IQGAP2: variants seen among roughly 807,000 people sequenced by gnomAD.
IQGAP2 encodes the protein ras GTPase-activating-like protein IQGAP2.
Under a neutral mutation model 201.3 loss-of-function variants are expected in IQGAP2, and 173 were observed. That is an observed-to-expected ratio of 0.86 (90% confidence interval 0.76 to 0.98). IQGAP2 has a LOEUF of 0.98. IQGAP2 is among the 50% of genes least tolerant of loss of function. The pLI is 0.00. For missense variants in IQGAP2, 1,687 were observed against 1,864.8 expected (o/e 0.90, Z 1.76); for synonymous variants, 675 against 673.9 (o/e 1.00, Z -0.03).
intron 2 of IQGAP2, among the ~76,000 whole-genome samples, chr5:76,506,545 C>T (rs1240600405): frequency 2.0e-5 from 3 of 152,196 alleles, no homozygotes; most frequent in Non-Finnish European, 2.9e-5. Context: ...TAACAGTGAT[C>T]TCCAGAATCA....
intron 2 of IQGAP2, among the ~76,000 whole-genome samples, chr5:76,560,231 C>T (rs1329687912): frequency 2.0e-5 from 3 of 152,030 alleles, no homozygotes; most frequent in African/African-American, 7.2e-5. Context: ...CAGCTTACTG[C>T]AGCCTCAAAC....
chr5:76,481,736 G>A (rs1755804276), intron 2 of IQGAP2, among the ~76,000 whole-genome samples: 2 of 152,158 alleles, frequency 1.3e-5, no homozygotes, highest in Admixed American at 1.3e-4. Context: ...TTTATACTAA[G>A]TCTTTACTAA....
In IQGAP2 at chr5:76,543,257, A is replaced by G. The variant is rs181309061; in HGVS notation, c.147-19139A>G. ...AAACTCAAGAACGCCAGAGTGGAAT[A>G]GAGTTCTCTTATAACCAGCTCCTGT... On this transcript the variant is annotated intron_variant, in intron 2 of 35. Coordinates refer to ENST00000274364, the MANE Select transcript of IQGAP2 (RefSeq NM_006633.5). Among the ~76,000 whole-genome samples the G allele has an allele frequency of 6.2e-3, 948 of 152,296 alleles. 4 individuals carry two copies. Among genetic ancestry groups the G allele is most frequent in the Non-Finnish European group, 0.011 (722 of 68,024 alleles).
intron 13 of IQGAP2, among the ~76,000 whole-genome samples, chr5:76,612,801 A>AG (rs1748525537): frequency 6.6e-6 from 1 of 152,068 alleles, no homozygotes; most frequent in South Asian, 2.1e-4. Context: ...TTCTGGAGGG[A>AG]GGATACCTTC....
In IQGAP2 at chr5:76,639,814, CA is replaced by C. The variant is rs543563380; in HGVS notation, c.1924-1118del. ...AAGAACACAGTTTATTGACTCATTTCAGTTGTTCAGAGGTCGTACAACTTTT... is the reference window on the plus strand; with the variant it reads ...AAGAACACAGTTTATTGACTCATTTCGTTGTTCAGAGGTCGTACAACTTTT... On this transcript the variant is annotated intron_variant, in intron 16 of 35. Coordinates refer to ENST00000274364, the MANE Select transcript of IQGAP2 (RefSeq NM_006633.5). 2.5e-4 allele frequency among the ~76,000 whole-genome samples: 38 copies of C among 152,258 alleles called. No homozygotes were observed. The Middle Eastern group carries it at 0.014, about 55-fold the overall frequency.
At chr5:76,665,435 G>T (rs1484988712) in intron 22 of IQGAP2, among the ~76,000 whole-genome samples, 1 of 152,186 alleles carries the variant, frequency 6.6e-6, no homozygotes, top group African/African-American at 2.4e-5. Context: ...GCCAGTAAAT[G>T]ATAAAGCAGG....
chr5:76,465,476 G>A (rs908811704), intron 2 of IQGAP2, among the ~76,000 whole-genome samples: 15 of 152,208 alleles, frequency 9.9e-5, no homozygotes, highest in Non-Finnish European at 1.9e-4. Context: ...ACAGGAATAA[G>A]GATGTTTTTT....
intron 17 of IQGAP2, among the ~76,000 whole-genome samples, chr5:76,645,498 C>T (rs1311872779): frequency 5.3e-5 from 8 of 152,218 alleles, no homozygotes; most frequent in Non-Finnish European, 1.2e-4. Flanking sequence ...TCTCCACATC[C>T]TCTCCAGCAT....
intron 20 of IQGAP2, among the ~76,000 whole-genome samples, chr5:76,657,124 T>G (rs949435879): frequency 6.6e-6 from 1 of 152,194 alleles, no homozygotes; most frequent in Non-Finnish European, 1.5e-5. Flanking sequence ...AAATATTAAA[T>G]TCGAGCCATA....
Position 76,457,052 on chromosome 5 carries a change from C to T in IQGAP2, c.47-4518C>T, listed in dbSNP as rs937355999. 1.5e-4 allele frequency among the ~76,000 whole-genome samples: 23 copies of T among 152,146 alleles called. 1 individual carries two copies. The highest frequency in any genetic ancestry group is 1.2e-3 in the East Asian group (6 of 5,186). ...TCACCCAGGCTGGAATACAGTGGCG[C>T]GATCATAGTTTGCTGCAGCCTCCAC... On this transcript the variant is annotated intron_variant, in intron 1 of 35. Transcript: ENST00000274364.
intron 2 of IQGAP2, among the ~76,000 whole-genome samples, chr5:76,524,901 A>G (rs139567896): frequency 2.0e-5 from 3 of 152,374 alleles, no homozygotes; most frequent in South Asian, 2.1e-4. Context: ...CAAGACAATG[A>G]CATCCTGCAA....
At chr5:76,522,794 CAATACAA>C (rs1758765711) in intron 2 of IQGAP2, among the ~76,000 whole-genome samples, 1 of 152,138 alleles carries the variant, frequency 6.6e-6, no homozygotes, top group African/African-American at 2.4e-5. Flanking sequence ...CTTGGACACT[CAATACAA>C]GGGCCTTGGA....
At chr5:76,679,943 A>G (rs1052124798) in intron 28 of IQGAP2, among the ~76,000 whole-genome samples, 2 of 152,200 alleles carry the variant, frequency 1.3e-5, no homozygotes, top group African/African-American at 4.8e-5. Context: ...AATGAAAACA[A>G]AATAGTTGGA....
intron 23 of IQGAP2, among the ~76,000 whole-genome samples, chr5:76,671,482 G>A (rs1206291940): frequency 2.0e-5 from 3 of 151,744 alleles, no homozygotes; most frequent in East Asian, 2.0e-4. Context: ...TCAGGAGTTC[G>A]AGACCAGCCT....
At chr5:76,551,876 G>C (rs1282332065) in intron 2 of IQGAP2, among the ~76,000 whole-genome samples, 7 of 144,740 alleles carry the variant, frequency 4.8e-5, no homozygotes, top group Non-Finnish European at 1.1e-4. Context: ...AGACGGAGAG[G>C]GGGAGGGGGA....
At chr5:76,520,881 G>T (rs1758642915) in intron 2 of IQGAP2, among the ~76,000 whole-genome samples, 1 of 151,182 alleles carries the variant, frequency 6.6e-6, no homozygotes, top group Non-Finnish European at 1.5e-5. Flanking sequence ...CTAATTTTTT[G>T]TATTTTTAGT....
intron 2 of IQGAP2, among the ~76,000 whole-genome samples, chr5:76,484,899 A>G (rs966477144): frequency 1.3e-5 from 2 of 152,138 alleles, no homozygotes; most frequent in Admixed American, 6.6e-5. Context: ...TGGCATGATC[A>G]CGACTCATTG....
chr5:76,559,002 A>G (rs974128788), intron 2 of IQGAP2, among the ~76,000 whole-genome samples: 1 of 151,596 alleles, frequency 6.6e-6, no homozygotes. Flanking sequence ...CTGGGTTCAC[A>G]CCATTCTCCT....
At chr5:76,608,855 G>A in intron 12 of IQGAP2, 1 of 372,372 alleles carries the variant, frequency 2.7e-6, no homozygotes, top group Non-Finnish European at 5.1e-6. Flanking sequence ...TTCTGTGTAG[G>A]TTACCTCATC....
Sources: allele counts gnomAD v4.1 joint callset (sites outside exome capture counted in the v4.1 genomes callset), GRCh38; gene constraint gnomAD v4.1.1; transcripts MANE v1.5; gene names NCBI Gene and HGNC (gene_info 2026-07-23, HGNC 2026-07-21).